SLC36A1: variants seen among roughly 807,000 people sequenced by gnomAD.
SLC36A1 encodes solute carrier family 36 member 1, also known as proton-coupled amino acid transporter 1.
In SLC36A1, 30 loss-of-function variants were observed where a neutral mutation model predicts 47.5. That is an observed-to-expected ratio of 0.63 (90% CI 0.47 to 0.86). The LOEUF (loss-of-function observed/expected upper bound fraction) is 0.86. Ranked by LOEUF, SLC36A1 falls within the 40% of genes least tolerant of loss-of-function variation. The pLI is 0.00. For synonymous variants in SLC36A1, 255 were observed against 249.7 expected (o/e 1.02, Z -0.20); for missense variants, 517 against 606.0 (o/e 0.85, Z 1.54).
At chr5:151,452,821 G>C (rs1338521527) in intron 1 of SLC36A1, among the ~76,000 whole-genome samples, 1 of 149,578 alleles carries the variant, frequency 6.7e-6, no homozygotes, top group African/African-American at 2.5e-5. Context: ...AGTGAGCCAA[G>C]ATCACACCAT....
chr5:151,355,677 C>T, the SLC36A1 span, among the ~76,000 whole-genome samples: 29 of 152,168 alleles, frequency 1.9e-4, no homozygotes, highest in Non-Finnish European at 3.1e-4. Flanking sequence ...TATATACTGA[C>T]GTGGAGGGAG....
chr5:151,554,535 C>G, the SLC36A1 span: 1 of 1,614,230 alleles, frequency 6.2e-7, no homozygotes, highest in Non-Finnish European at 8.5e-7. Context: ...CCAGGGGACA[C>G]AGGGCTCAGC....
chr5:151,499,554 C>T, the SLC36A1 span, among the ~76,000 whole-genome samples: 1 of 152,154 alleles, frequency 6.6e-6, no homozygotes, highest in Non-Finnish European at 1.5e-5. Context: ...ATGTCGTTTT[C>T]CCCCCAAGGC....
At chr5:151,405,835 C>G in the SLC36A1 span, among the ~76,000 whole-genome samples, 1 of 152,124 alleles carries the variant, frequency 6.6e-6, no homozygotes, top group Non-Finnish European at 1.5e-5. Context: ...AGGGCCAAGA[C>G]TCTGTTTGGC....
intron 8 of SLC36A1, among the ~76,000 whole-genome samples, chr5:151,474,293 A>G (rs1393767157): frequency 1.3e-5 from 2 of 152,018 alleles, no homozygotes; most frequent in African/African-American, 2.4e-5. Flanking sequence ...TAAAATGTTT[A>G]CATTCAAGGC....
At chr5:151,419,336 C>T in the SLC36A1 span, among the ~76,000 whole-genome samples, 22 of 152,212 alleles carry the variant, frequency 1.4e-4, no homozygotes, top group East Asian at 4.3e-3. Flanking sequence ...GCCTGATTTC[C>T]CCATCTGTAC....
the SLC36A1 span, among the ~76,000 whole-genome samples, chr5:151,555,416 G>A: frequency 2.7e-5 from 4 of 146,046 alleles, no homozygotes; most frequent in Non-Finnish European, 4.5e-5. Context: ...TATCGCCCAG[G>A]CTGGAGTTCA....
chr5:151,544,489 A>C, the SLC36A1 span: 1 of 1,614,086 alleles, frequency 6.2e-7, no homozygotes, highest in Non-Finnish European at 8.5e-7. Context: ...GAACAGCATC[A>C]AGGGTTCTTC....
At chr5:151,403,781 G>A in the SLC36A1 span, among the ~76,000 whole-genome samples, 1 of 152,200 alleles carries the variant, frequency 6.6e-6, no homozygotes, top group South Asian at 2.1e-4. Context: ...TGTGGCCCAA[G>A]AGTATGCTTG....
At chr5:151,510,645 A>ATAAT in the SLC36A1 span, 1 of 152,972 alleles carries the variant, frequency 6.5e-6, no homozygotes, top group African/African-American at 2.4e-5. Context: ...ACAGCTAGCT[A>ATAAT]TAATATCAGT....
the SLC36A1 span, chr5:151,537,984 G>A: frequency 0.4 from 644,266 of 1,594,924 alleles, 132,024 homozygotes; most frequent in African/African-American, 0.47. Flanking sequence ...AGACTGTGGG[G>A]ACTGCATTCA....
At chr5:151,377,789 C>T in the SLC36A1 span, among the ~76,000 whole-genome samples, 2 of 152,202 alleles carry the variant, frequency 1.3e-5, no homozygotes, top group East Asian at 3.9e-4. Flanking sequence ...TCTTTTTTAA[C>T]TATTTTTGAT....
chr5:151,511,594 A>T, the SLC36A1 span: 1 of 154,048 alleles, frequency 6.5e-6, no homozygotes, highest in Non-Finnish European at 1.4e-5. Flanking sequence ...GGAGAGGGAA[A>T]ATGTGAGTGC....
rs188534617 is a variant in SLC36A1, at chr5:151,481,657, T to G, written c.1159+2168T>G. Among the ~76,000 whole-genome samples, 49 of 152,174 alleles carry G rather than the reference T, an allele frequency of 3.2e-4. 1 individual carries two copies. Among genetic ancestry groups the G allele is most frequent in the African/African-American group, 1.0e-3 (42 of 41,536 alleles). Reference sequence around the variant, plus strand: ...GTAGTTTCTTTTTTTTTTTCCCTCTTGGAATTCAACTTTCTCACCACTCTC... The same window carrying G: ...GTAGTTTCTTTTTTTTTTTCCCTCTGGGAATTCAACTTTCTCACCACTCTC... On this transcript the variant is annotated intron_variant, in intron 10 of 10. Transcript: ENST00000243389.
At chr5:151,405,343 CTTTTTTTT>C in the SLC36A1 span, among the ~76,000 whole-genome samples, 13 of 85,236 alleles carry the variant, frequency 1.5e-4, no homozygotes, top group East Asian at 9.9e-4. Flanking sequence ...CTCTCTTTCT[CTTTTTTTT>C]TTTTTTTTTT....
In SLC36A1 at chr5:151,491,314, A is replaced by G. The variant is rs1760095694; in HGVS notation, c.*3060A>G. On this transcript the variant is annotated 3_prime_UTR_variant, in exon 11 of 11. Coordinates refer to ENST00000243389, the MANE Select transcript of SLC36A1 (RefSeq NM_078483.4). The stretch of plus-strand genomic sequence containing the variant: ...GCTGCTAAGATCCCTTCATCTGCAC[A>G]AGCCCTGGCTAGATATGTGTGAATG... The G allele has an allele frequency of 6.6e-6, 1 of 152,628 alleles. No individual in the cohort carries two copies. The highest frequency in any genetic ancestry group is 1.5e-5 in the Non-Finnish European group (1 of 68,058). The allele number at this position is 152,628 out of a possible 1,614,324, so 9.5% of individuals were successfully genotyped here.
intron 8 of SLC36A1, among the ~76,000 whole-genome samples, chr5:151,474,907 C>T (rs1757833598): frequency 6.6e-6 from 1 of 152,206 alleles, no homozygotes; most frequent in Non-Finnish European, 1.5e-5. Flanking sequence ...ACCTTATTTG[C>T]TTTTAAGAAA....
At chr5:151,359,848 C>G in the SLC36A1 span, among the ~76,000 whole-genome samples, 2 of 152,180 alleles carry the variant, frequency 1.3e-5, no homozygotes, top group African/African-American at 4.8e-5. Context: ...TAGAAACAAA[C>G]CAATAGTTTG....
the SLC36A1 span, among the ~76,000 whole-genome samples, chr5:151,371,728 T>C: frequency 6.6e-6 from 1 of 152,176 alleles, no homozygotes; most frequent in African/African-American, 2.4e-5. Flanking sequence ...CTTCTTTTAG[T>C]TTTTAGTTTT....
Sources: gnomAD v4.1 joint callset for allele counts (sites outside exome capture counted in the v4.1 genomes callset) on GRCh38, gnomAD v4.1.1 for gene constraint, MANE v1.5 for transcripts, NCBI Gene and HGNC (gene_info 2026-07-23, HGNC 2026-07-21) for gene names.